The following LHFPL2 variants were observed in gnomAD, a reference collection of about 807,000 sequenced individuals.
The protein encoded by LHFPL2 is LHFPL tetraspan subfamily member 2 protein.
A neutral mutation model predicts 17.5 loss-of-function variants in LHFPL2; 7 were observed. That is an observed-to-expected ratio of 0.40 (90% CI 0.23 to 0.75). The LOEUF (loss-of-function observed/expected upper bound fraction) is 0.75. LHFPL2 is among the 30% of genes least tolerant of loss of function. The pLI is 0.37. For missense variants in LHFPL2, 241 were observed against 294.8 expected, an observed-to-expected ratio of 0.82 and a Z score of 1.34; for synonymous variants, 134 against 116.2, an observed-to-expected ratio of 1.15 and a Z score of -0.99.
intron 3 of LHFPL2, among the ~76,000 whole-genome samples, chr5:78,519,355 C>T (rs187826597): frequency 6.2e-4 from 95 of 152,314 alleles, no homozygotes; most frequent in Middle Eastern, 3.4e-3. Context: ...TTTCTCTGTA[C>T]CCTACAAGTG....
At chr5:78,508,980 T>G (rs567036304) in intron 4 of LHFPL2, among the ~76,000 whole-genome samples, 1 of 152,338 alleles carries the variant, frequency 6.6e-6, no homozygotes, top group Non-Finnish European at 1.5e-5. Context: ...TGTTACCCCA[T>G]TGGTTCAGGA....
At chr5:78,645,893 A>G (rs2112534798) in intron 1 of LHFPL2, among the ~76,000 whole-genome samples, 1 of 152,280 alleles carries the variant, frequency 6.6e-6, no homozygotes, top group African/African-American at 2.4e-5. Context: ...CCCAAGGCAT[A>G]TATTAAAGCT....
chr5:78,630,595 TCTC>T (rs1244074693), intron 2 of LHFPL2, among the ~76,000 whole-genome samples: 21 of 151,732 alleles, frequency 1.4e-4, no homozygotes, highest in Non-Finnish European at 3.1e-4. Context: ...TTCATTCAAT[TCTC>T]CTTCAGGAAG....
intron 4 of LHFPL2, among the ~76,000 whole-genome samples, chr5:78,492,986 C>T (rs1037991155): frequency 5.3e-5 from 8 of 152,172 alleles, no homozygotes; most frequent in South Asian, 2.1e-4. Context: ...TTAACATAGC[C>T]GAGGCCATGG....
At chr5:78,531,261 C>G (rs1755774291) in intron 3 of LHFPL2, among the ~76,000 whole-genome samples, 1 of 151,952 alleles carries the variant, frequency 6.6e-6, no homozygotes, top group South Asian at 2.1e-4. Context: ...ACTTAAAATA[C>G]AAAATTAGCC....
At chr5:78,600,697 C>T (rs999714554) in intron 2 of LHFPL2, among the ~76,000 whole-genome samples, 12 of 152,298 alleles carry the variant, frequency 7.9e-5, no homozygotes, top group Admixed American at 5.2e-4. Context: ...CATTGCACTG[C>T]AGCCTGGGCA....
At chr5:78,626,122 A>G (rs1745023637) in intron 2 of LHFPL2, 1 of 152,258 alleles carries the variant, frequency 6.6e-6, no homozygotes, top group African/African-American at 2.4e-5. Flanking sequence ...TGGCATGCAC[A>G]TCTCAGGCTC....
intron 3 of LHFPL2, among the ~76,000 whole-genome samples, chr5:78,515,511 T>C (rs1445361130): frequency 6.6e-6 from 1 of 152,160 alleles, no homozygotes; most frequent in East Asian, 1.9e-4. Context: ...GGGTCAGCAA[T>C]ATGGCCTCCA....
chr5:78,556,742 A>G (rs1756581021), intron 3 of LHFPL2, among the ~76,000 whole-genome samples: 1 of 152,222 alleles, frequency 6.6e-6, no homozygotes, highest in African/African-American at 2.4e-5. Context: ...AATATTAAAC[A>G]AAAAAGTAAC....
chr5:78,550,539 TC>T (rs1370523122), intron 3 of LHFPL2, among the ~76,000 whole-genome samples: 1 of 151,730 alleles, frequency 6.6e-6, no homozygotes, highest in Non-Finnish European at 1.5e-5. Context: ...TGAAAAAGGA[TC>T]CTCTTTACTT....
chr5:78,609,511 C>T (rs1744343875), intron 2 of LHFPL2, among the ~76,000 whole-genome samples: 2 of 140,600 alleles, frequency 1.4e-5, no homozygotes, highest in Non-Finnish European at 3.1e-5. Flanking sequence ...TACAGCACAT[C>T]TATACAATGG....
intron 3 of LHFPL2, among the ~76,000 whole-genome samples, chr5:78,525,846 G>A (rs752961676): frequency 6.6e-6 from 1 of 152,216 alleles, no homozygotes; most frequent in Non-Finnish European, 1.5e-5. Context: ...ACTGCAAGGT[G>A]CAGAGGACAG....
intron 3 of LHFPL2, among the ~76,000 whole-genome samples, chr5:78,547,233 G>A (rs17804984): frequency 0.013 from 1,969 of 152,238 alleles, 19 homozygotes; most frequent in Non-Finnish European, 0.022. Flanking sequence ...CTCATCTCAC[G>A]GCTGCATCAG....
At chr5:78,492,321 T>G (rs1172129548) in intron 4 of LHFPL2, among the ~76,000 whole-genome samples, 5 of 152,216 alleles carry the variant, frequency 3.3e-5, no homozygotes, top group African/African-American at 1.2e-4. Context: ...GCACTTGTAT[T>G]ATATGTGCAC....
At chr5:78,584,474 T>C (rs1185838374) in intron 2 of LHFPL2, among the ~76,000 whole-genome samples, 1 of 152,194 alleles carries the variant, frequency 6.6e-6, no homozygotes, top group African/African-American at 2.4e-5. Context: ...GTGGATGTCC[T>C]TTCTGTTTGT....
At chr5:78,554,121 C>T (rs1302171423) in intron 3 of LHFPL2, among the ~76,000 whole-genome samples, 1 of 152,238 alleles carries the variant, frequency 6.6e-6, no homozygotes, top group Non-Finnish European at 1.5e-5. Context: ...CCTTCCTGAC[C>T]ACTGAAGTGT....
At chr5:78,545,691 A>C (rs936766328) in intron 3 of LHFPL2, among the ~76,000 whole-genome samples, 1 of 152,212 alleles carries the variant, frequency 6.6e-6, no homozygotes, top group Non-Finnish European at 1.5e-5. Flanking sequence ...TTCCAAATGC[A>C]CCTATCAAAA....
intron 2 of LHFPL2, among the ~76,000 whole-genome samples, chr5:78,623,150 C>T (rs1356691764): frequency 6.6e-6 from 1 of 152,208 alleles, no homozygotes; most frequent in Non-Finnish European, 1.5e-5. Flanking sequence ...CCATATAAAA[C>T]TGTACTTAAG....
chr5:78,540,513 T>G (rs1756078912), intron 3 of LHFPL2, among the ~76,000 whole-genome samples: 1 of 152,210 alleles, frequency 6.6e-6, no homozygotes, highest in African/African-American at 2.4e-5. Context: ...TAGCCTCCCA[T>G]TCATGGCCTT....
Sources: gnomAD v4.1 joint callset for allele counts (sites outside exome capture counted in the v4.1 genomes callset) on GRCh38, gnomAD v4.1.1 for gene constraint, MANE v1.5 for transcripts, NCBI Gene and HGNC (gene_info 2026-07-23, HGNC 2026-07-21) for gene names.